The following GPC6 variants were observed in gnomAD, a reference collection of about 807,000 sequenced individuals.
GPC6 encodes the protein glypican 6, also known as glypican-6.
Under a neutral mutation model 55.2 loss-of-function variants are expected in GPC6, and 14 were observed. That is an observed-to-expected ratio of 0.25 (90% CI 0.17 to 0.40). The LOEUF (loss-of-function observed/expected upper bound fraction) is 0.40. GPC6 is among the 10% of genes least tolerant of loss of function. The probability of loss-of-function intolerance (pLI) is 1.00; values close to 1 mark genes in which losing one functional copy is unlikely to be tolerated. For missense variants in GPC6, 641 were observed against 708.5 expected, an observed-to-expected ratio of 0.90 and a Z score of 1.08; for synonymous variants, 278 against 259.6, an observed-to-expected ratio of 1.07 and a Z score of -0.68.
intron 2 of GPC6, among the ~76,000 whole-genome samples, chr13:93,778,308 A>G (rs1412830789): frequency 3.3e-5 from 5 of 152,152 alleles, no homozygotes; most frequent in African/African-American, 4.8e-5. Flanking sequence ...AGAAGCAGCA[A>G]CTTTCTGTTA....
At chr13:94,212,553 C>G (rs1465542729) in intron 4 of GPC6, among the ~76,000 whole-genome samples, 1 of 152,142 alleles carries the variant, frequency 6.6e-6, no homozygotes, top group East Asian at 1.9e-4. Flanking sequence ...TATTGGGTGT[C>G]TAAAATTGTT....
chr13:93,890,854 C>G (rs554211136), intron 3 of GPC6, among the ~76,000 whole-genome samples: 9 of 150,188 alleles, frequency 6.0e-5, no homozygotes, highest in South Asian at 4.2e-4. Flanking sequence ...TTCTTGAGTG[C>G]TAAGATATAT....
Position 94,286,393 on chromosome 13 carries a change from A to G in GPC6, c.922A>G (p.Ile308Val). The change falls in exon 5 of 9, where the codon ATT (isoleucine) becomes GTT (valine). Residue 308 changes from isoleucine to valine, a missense_variant. Ile to Val is a conservative substitution (Grantham distance 29). Coordinates refer to ENST00000377047, the MANE Select transcript of GPC6 (RefSeq NM_005708.5). ...AGAGCGACTGGAGGGGCCATTCAAC[A>G]TTGAGTCGGTCATGGACCCGATAGA... ...VAERLEGPFNIESVMDPIDVK... is the reference protein window; with the variant it reads ...VAERLEGPFNVESVMDPIDVK... 1 of 1,613,822 alleles carries G rather than the reference A, an allele frequency of 6.2e-7. No homozygotes were observed. Among genetic ancestry groups the G allele is most frequent in the Non-Finnish European group, 8.5e-7 (1 of 1,179,794 alleles).
intron 4 of GPC6, among the ~76,000 whole-genome samples, chr13:94,194,946 A>C (rs965550758): frequency 2.6e-5 from 4 of 151,374 alleles, no homozygotes; most frequent in African/African-American, 9.7e-5. Context: ...TACCCTTCCC[A>C]CACACACACA....
At chr13:93,597,994 A>T (rs993310845) in intron 2 of GPC6, among the ~76,000 whole-genome samples, 2 of 151,904 alleles carry the variant, frequency 1.3e-5, no homozygotes, top group Admixed American at 6.6e-5. Flanking sequence ...AAATACAAAT[A>T]TTATCTTGGT....
chr13:94,046,129 A>T (rs1412755155), intron 4 of GPC6, among the ~76,000 whole-genome samples: 1 of 152,044 alleles, frequency 6.6e-6, no homozygotes, highest in Admixed American at 6.6e-5. Flanking sequence ...GTTTACTGTG[A>T]AACAGAGACT....
At chr13:94,034,487 A>G (rs1883265810) in intron 4 of GPC6, among the ~76,000 whole-genome samples, 1 of 152,132 alleles carries the variant, frequency 6.6e-6, no homozygotes, top group East Asian at 1.9e-4. Context: ...TCTTGAGGCA[A>G]CAACTCAAGG....
chr13:93,417,851 T>TA (rs1369842352), intron 1 of GPC6, among the ~76,000 whole-genome samples: 1 of 151,872 alleles, frequency 6.6e-6, no homozygotes, highest in Admixed American at 6.6e-5. Context: ...GACAAAAAAA[T>TA]AAAAAATAAA....
intron 1 of GPC6, among the ~76,000 whole-genome samples, chr13:93,347,475 G>A (rs892280015): frequency 6.6e-6 from 1 of 152,136 alleles, no homozygotes; most frequent in African/African-American, 2.4e-5. Context: ...GTATCACAGT[G>A]ACCAAAGAAA....
At chr13:93,717,845 G>C (rs1346728285) in intron 2 of GPC6, among the ~76,000 whole-genome samples, 2 of 151,690 alleles carry the variant, frequency 1.3e-5, no homozygotes, top group East Asian at 1.9e-4. Context: ...CCACATATTA[G>C]TGAGAACGTG....
intron 4 of GPC6, among the ~76,000 whole-genome samples, chr13:94,189,894 G>T (rs866707536): frequency 6.6e-6 from 1 of 152,146 alleles, no homozygotes; most frequent in South Asian, 2.1e-4. Context: ...GGTGGCGGGC[G>T]CCTGTAGTCC....
chr13:94,179,053 T>G (rs1267450629), intron 4 of GPC6, among the ~76,000 whole-genome samples: 1 of 152,194 alleles, frequency 6.6e-6, no homozygotes, highest in Non-Finnish European at 1.5e-5. Flanking sequence ...TCATTCCTGT[T>G]TCAGGCTTTG....
chr13:93,307,855 G>T (rs1878911542), intron 1 of GPC6, among the ~76,000 whole-genome samples: 1 of 152,170 alleles, frequency 6.6e-6, no homozygotes, highest in Non-Finnish European at 1.5e-5. Flanking sequence ...CCACAAAAAT[G>T]ATGACTGCAA....
intron 2 of GPC6, among the ~76,000 whole-genome samples, chr13:93,621,546 CG>C (rs1208009567): frequency 6.6e-6 from 1 of 152,028 alleles, no homozygotes; most frequent in Non-Finnish European, 1.5e-5. Flanking sequence ...GGGTGGAGGA[CG>C]GGGAATCTGG....
At chr13:93,267,202 G>T (rs1877353016) in intron 1 of GPC6, among the ~76,000 whole-genome samples, 1 of 152,100 alleles carries the variant, frequency 6.6e-6, no homozygotes, top group Admixed American at 6.5e-5. Flanking sequence ...GGATCTTGAT[G>T]AATTCAAGTT....
chr13:93,579,187 G>T (rs2139485868), intron 2 of GPC6, among the ~76,000 whole-genome samples: 1 of 152,160 alleles, frequency 6.6e-6, no homozygotes, highest in East Asian at 1.9e-4. Flanking sequence ...TAGGTCAGTA[G>T]AGTCACTATT....
intron 3 of GPC6, among the ~76,000 whole-genome samples, chr13:93,999,529 T>A (rs1881706494): frequency 6.6e-6 from 1 of 152,200 alleles, no homozygotes; most frequent in Admixed American, 6.5e-5. Flanking sequence ...ATTTCATACA[T>A]AAGTGAGATC....
At chr13:94,122,286 GA>G (rs1886658783) in intron 4 of GPC6, among the ~76,000 whole-genome samples, 2 of 151,988 alleles carry the variant, frequency 1.3e-5, no homozygotes. Context: ...AATCCTCTAT[GA>G]AGTCTCATTT....
chr13:93,326,456 G>GCACACA (rs773749351), intron 1 of GPC6, among the ~76,000 whole-genome samples: 26 of 151,436 alleles, frequency 1.7e-4, no homozygotes, highest in African/African-American at 3.9e-4. Context: ...ACACGCACAC[G>GCACACA]CACACACACA....
Sources: allele counts gnomAD v4.1 joint callset (sites outside exome capture counted in the v4.1 genomes callset), GRCh38; gene constraint gnomAD v4.1.1; transcripts MANE v1.5; gene names NCBI Gene and HGNC (gene_info 2026-07-23, HGNC 2026-07-21).